Variants in ESRRB observed in about 807,000 individuals in gnomAD.
The protein encoded by ESRRB is steroid hormone receptor ERR2.
ESRRB carries 16 observed loss-of-function variants against 46.0 expected under a neutral mutation model. The observed-to-expected ratio is 0.35, with a 90% CI of 0.24 to 0.53. The LOEUF is 0.53. ESRRB is among the 20% of genes least tolerant of loss of function. The pLI, the probability that ESRRB is intolerant of heterozygous loss-of-function variation, is 0.93. For missense variants in ESRRB, 488 were observed against 607.4 expected, an observed-to-expected ratio of 0.80 and a Z score of 2.07; for synonymous variants, 246 against 259.6, an observed-to-expected ratio of 0.95 and a Z score of 0.50.
At chr14:76,402,368 G>T (rs1885981132) in intron 1 of ESRRB, among the ~76,000 whole-genome samples, 1 of 152,176 alleles carries the variant, frequency 6.6e-6, no homozygotes. Flanking sequence ...TGTAGTAAAG[G>T]TTCTGAGAAT....
At chr14:76,339,287 C>G (rs1306898004) in intron 1 of ESRRB, among the ~76,000 whole-genome samples, 1 of 152,218 alleles carries the variant, frequency 6.6e-6, no homozygotes, top group Admixed American at 6.5e-5. Context: ...GACCTAACCT[C>G]CCCATGCCTC....
chr14:76,407,949 C>T (rs1324631893), intron 1 of ESRRB, among the ~76,000 whole-genome samples: 4 of 152,292 alleles, frequency 2.6e-5, no homozygotes, highest in African/African-American at 7.2e-5. Context: ...ACGGGACTGC[C>T]GGGTCCTGGC....
intron 1 of ESRRB, among the ~76,000 whole-genome samples, chr14:76,331,286 T>A (rs188799658): frequency 6.6e-6 from 1 of 152,282 alleles, no homozygotes; most frequent in African/African-American, 2.4e-5. Flanking sequence ...GTGGTAATGG[T>A]TGTGGCTCCA....
chr14:76,410,870 C>G (rs1256122719), intron 1 of ESRRB, among the ~76,000 whole-genome samples: 3 of 151,898 alleles, frequency 2.0e-5, no homozygotes, highest in African/African-American at 7.3e-5. Context: ...TGCAACCTCC[C>G]CCTTCTGGGT....
chr14:76,371,293 C>T (rs1025810405), upstream of ESRRB: 1 of 152,392 alleles, frequency 6.6e-6, no homozygotes, highest in East Asian at 1.9e-4. Context: ...CTGACCATCA[C>T]TCAGGGATAT....
chr14:76,474,583 G>A (rs923675576), intron 3 of ESRRB, among the ~76,000 whole-genome samples: 1 of 152,148 alleles, frequency 6.6e-6, no homozygotes, highest in Non-Finnish European at 1.5e-5. Context: ...GCTCATGCCT[G>A]TAATCCCAGT....
At chr14:76,438,632 C>T (rs527359931) in intron 1 of ESRRB, among the ~76,000 whole-genome samples, 1 of 151,576 alleles carries the variant, frequency 6.6e-6, no homozygotes, top group Non-Finnish European at 1.5e-5. Flanking sequence ...CCATTGCACT[C>T]CAGCCTAGGC....
chr14:76,433,476 G>GC (rs1035349860), intron 1 of ESRRB, among the ~76,000 whole-genome samples: 3 of 151,860 alleles, frequency 2.0e-5, no homozygotes, highest in African/African-American at 7.3e-5. Flanking sequence ...TTCTCAACAC[G>GC]CCCCCTTCTC....
chr14:76,354,301 T>G (rs939675513), intron 1 of ESRRB, among the ~76,000 whole-genome samples: 2 of 141,468 alleles, frequency 1.4e-5, no homozygotes, highest in African/African-American at 5.2e-5. Context: ...CCCCTACCAC[T>G]GGGCTGTGGG....
At chr14:76,496,602 T>G (rs1446876259) in intron 6 of ESRRB, among the ~76,000 whole-genome samples, 1 of 152,114 alleles carries the variant, frequency 6.6e-6, no homozygotes. Context: ...TGCCTCAGCC[T>G]TGAGGGAGAA....
At chr14:76,382,744 A>C (rs1885065490) in intron 1 of ESRRB, among the ~76,000 whole-genome samples, 1 of 152,224 alleles carries the variant, frequency 6.6e-6, no homozygotes, top group South Asian at 2.1e-4. Flanking sequence ...GTATAAATCT[A>C]AAACAAAAGT....
intron 1 of ESRRB, among the ~76,000 whole-genome samples, chr14:76,364,531 GA>G (rs2139774627): frequency 6.6e-6 from 1 of 152,108 alleles, no homozygotes; most frequent in East Asian, 1.9e-4. Context: ...TCTACTAAAA[GA>G]AATGCAAAAA....
chr14:76,475,475 T>C (rs1166870309), intron 3 of ESRRB, among the ~76,000 whole-genome samples: 2 of 152,232 alleles, frequency 1.3e-5, no homozygotes, highest in Non-Finnish European at 2.9e-5. Flanking sequence ...AGTGCATTCA[T>C]GTTATAGCAT....
At chr14:76,347,379 C>T (rs1257734292) in intron 1 of ESRRB, among the ~76,000 whole-genome samples, 6 of 151,954 alleles carry the variant, frequency 3.9e-5, no homozygotes, top group African/African-American at 1.2e-4. Flanking sequence ...TCTTAGTTTC[C>T]GCACCAATAA....
At chr14:76,469,935 T>TTTG (rs1889300870) in intron 3 of ESRRB, among the ~76,000 whole-genome samples, 1 of 129,128 alleles carries the variant, frequency 7.7e-6, no homozygotes, top group Non-Finnish European at 1.7e-5. Flanking sequence ...TGTTGTTTTT[T>TTTG]TTTTTTTTCT....
intron 5 of ESRRB, among the ~76,000 whole-genome samples, chr14:76,489,607 G>C (rs1890146510): frequency 6.6e-6 from 1 of 152,166 alleles, no homozygotes; most frequent in Admixed American, 6.5e-5. Context: ...GTGGTGATCT[G>C]AGGCCCAAGT....
intron 1 of ESRRB, among the ~76,000 whole-genome samples, chr14:76,413,204 G>T (rs1000782269): frequency 1.3e-5 from 2 of 152,092 alleles, no homozygotes; most frequent in African/African-American, 4.8e-5. Context: ...CAGTGCTGTT[G>T]GTGTGATGAG....
chr14:76,416,585 C>G (rs1316318366), intron 1 of ESRRB, among the ~76,000 whole-genome samples: 2 of 151,966 alleles, frequency 1.3e-5, no homozygotes, highest in East Asian at 3.9e-4. Context: ...TTCTCCTGCC[C>G]CAGCCTCCTG....
intron 1 of ESRRB, among the ~76,000 whole-genome samples, chr14:76,411,232 G>A (rs887169411): frequency 2.2e-4 from 34 of 151,746 alleles, no homozygotes; most frequent in African/African-American, 8.2e-4. Context: ...CAGATCACCT[G>A]AGGTCAGGAG....
Sources: allele counts gnomAD v4.1 joint callset (sites outside exome capture counted in the v4.1 genomes callset), GRCh38; gene constraint gnomAD v4.1.1; transcripts MANE v1.5; gene names NCBI Gene and HGNC (gene_info 2026-07-23, HGNC 2026-07-21).